KDF1: variants seen among roughly 807,000 people sequenced by gnomAD.
The protein encoded by KDF1 is RP11-344H11.3.
KDF1 carries 11 observed loss-of-function variants against 31.6 expected under a neutral mutation model. The ratio of observed to expected loss-of-function variants is 0.35; its 90% confidence interval spans 0.22 to 0.58. The LOEUF (loss-of-function observed/expected upper bound fraction) is 0.58, where lower values mean the gene tolerates loss of function less well. KDF1 is among the 20% of genes least tolerant of loss of function. The probability of loss-of-function intolerance (pLI) is 0.83; values close to 1 mark genes in which losing one functional copy is unlikely to be tolerated. For synonymous variants in KDF1, 205 were observed against 214.4 expected (o/e 0.96, Z 0.38); for missense variants, 476 against 549.1 (o/e 0.87, Z 1.33).
rs555440089 is a variant in KDF1, at chr1:26,951,563, C to T, written c.818G>A (p.Ser273Asn). Residue 273 changes from serine to asparagine, a missense_variant, in exon 2 of 4, where the codon AGT becomes AAT. By Grantham distance (46) the Ser-to-Asn change is conservative. This residue lies in a region of KDF1 where 146 missense variants were observed against 216.8 expected (regional missense o/e 0.67). Transcript: ENST00000320567. The surrounding 1 kb of genome is among the most constrained non-coding windows in gnomAD (Gnocchi z 5.4). ...GCTGCTGATAAGGTCCGAGATCTTACTGGTCTTCTCCAGGAACACAGTGTC... is the reference window on the plus strand; with the variant it reads ...GCTGCTGATAAGGTCCGAGATCTTATTGGTCTTCTCCAGGAACACAGTGTC... The part of the protein sequence containing the change: ...TSDTVFLEKT[S>N]KISDLISSIT... The T allele has an allele frequency of 6.2e-7, 1 of 1,612,782 alleles. No individual in the cohort carries two copies. Among genetic ancestry groups the T allele is most frequent in the Admixed American group, 1.7e-5 (1 of 60,008 alleles).
chr1:26,958,823 A>G (rs1454190255), intron 1 of KDF1, among the ~76,000 whole-genome samples: 2 of 152,182 alleles, frequency 1.3e-5, no homozygotes, highest in Non-Finnish European at 2.9e-5. Flanking sequence ...AGGAGAGTGG[A>G]CAGATCTACA....
At chr1:26,956,518 G>A (rs1308784696) in intron 1 of KDF1, among the ~76,000 whole-genome samples, 4 of 152,128 alleles carry the variant, frequency 2.6e-5, no homozygotes, top group East Asian at 1.9e-4. Context: ...TACAACTCAC[G>A]AAGTATTCCT....
chr1:26,953,096 C>A (rs1003376971), intron 1 of KDF1, among the ~76,000 whole-genome samples: 1 of 152,150 alleles, frequency 6.6e-6, no homozygotes, highest in African/African-American at 2.4e-5. Flanking sequence ...ATTATACTTA[C>A]CTGTTAAGCA....
In KDF1 at chr1:26,950,910, C is replaced by T. The variant is rs1453758992; in HGVS notation, c.1040-154G>A. Among the ~76,000 whole-genome samples the T allele has an allele frequency of 6.6e-6, 1 of 152,170 alleles. No individual in the cohort carries two copies. Among genetic ancestry groups the T allele is most frequent in the African/African-American group, 2.4e-5 (1 of 41,446 alleles). ...AAGACAGAGACATAGACAACGTGTG[C>T]ATGCGCAGAGTGATGGATGAGTGGG... On this transcript the variant is annotated intron_variant, in intron 2 of 3. Transcript: ENST00000320567. This position sits in a 1 kb window ranked among gnomAD's most constrained non-coding sequence, Gnocchi z 4.0.
At position 26,950,091 on chromosome 1, in the gene KDF1, G is replaced by C. The variant is rs1346981782; in HGVS notation, c.1175C>G (p.Pro392Arg). The part of the protein sequence containing the change: ...QGTDTDSSGA[P>R]LLQVYC ...GGGTTAGCAGTACACCTGGAGCAAGGGTGCCCCCGACGAGTCTGTGTCGGT... is the reference window on the plus strand; with the variant it reads ...GGGTTAGCAGTACACCTGGAGCAAGCGTGCCCCCGACGAGTCTGTGTCGGT... The change falls in exon 4 of 4, where the codon CCC (proline) becomes CGC (arginine). Residue 392 changes from proline (P) to arginine (R), a missense_variant. Pro to Arg is a moderately radical substitution (Grantham distance 103, BLOSUM62 -2). Coordinates refer to ENST00000320567, the MANE Select transcript of KDF1 (RefSeq NM_152365.3). This position sits in a 1 kb window ranked among gnomAD's most constrained non-coding sequence, Gnocchi z 4.0. 4 of 1,613,894 alleles carry C rather than the reference G, an allele frequency of 2.5e-6. No homozygotes were observed. Among genetic ancestry groups the C allele is most frequent in the Non-Finnish European group, 3.4e-6 (4 of 1,179,844 alleles).
rs367824437 is a variant in KDF1, at chr1:26,950,769, C to T, written c.1040-13G>A. ...TGCACTGTCAGCTCTAGGGAGGGAA[C>T]GTGAGGCAAGCAGTGGTCATTAGCA... On this transcript the variant is annotated splice_polypyrimidine_tract_variant and intron_variant, in intron 2 of 3. Transcript: ENST00000320567. This position sits in a 1 kb window ranked among gnomAD's most constrained non-coding sequence, Gnocchi z 4.0. The T allele has an allele frequency of 2.7e-5, 43 of 1,613,026 alleles. No homozygotes were observed. In the African/African-American group the frequency reaches 4.1e-4, roughly 16 times the overall value.
At position 26,950,795 on chromosome 1, in the gene KDF1, C is replaced by T. The variant is rs1480669913; in HGVS notation, c.1040-39G>A. ...GTGAGGCAAGCAGTGGTCATTAGCA[C>T]GTTCTTTCAACCCTATTTCCTACTT... On this transcript the variant is annotated intron_variant, in intron 2 of 3. Coordinates refer to ENST00000320567, the MANE Select transcript of KDF1 (RefSeq NM_152365.3). This position sits in a 1 kb window ranked among gnomAD's most constrained non-coding sequence, Gnocchi z 4.0. 2.5e-6 allele frequency: 4 copies of T among 1,576,750 alleles called. No individual in the cohort carries two copies. Among genetic ancestry groups the T allele is most frequent in the East Asian group, 2.2e-5 (1 of 44,598 alleles).
chr1:26,952,108 G>A lies in KDF1; in HGVS notation c.273C>T (p.Cys91=), dbSNP rs561551802. ...GGAGGCAATCCCGGCAGCGGCGGAAGCAGAAGGCAGCCCGGCACCACTCCC... is the reference window on the plus strand; with the variant it reads ...GGAGGCAATCCCGGCAGCGGCGGAAACAGAAGGCAGCCCGGCACCACTCCC... ...WVWEWCRAAF[C]FRRCRDCLQR... is the part of the protein sequence containing the mutation. The change falls in exon 2 of 4, where the codon TGC becomes TGT. Residue 91 remains cysteine, a synonymous_variant. Transcript: ENST00000320567. This position sits in a 1 kb window ranked among gnomAD's most constrained non-coding sequence, Gnocchi z 4.1. The A allele has an allele frequency of 5.5e-5, 89 of 1,613,388 alleles. 2 individuals carry two copies. In the South Asian group the frequency reaches 9.3e-4, roughly 17 times the overall value.
At chr1:26,953,724 A>G (rs982164115) in intron 1 of KDF1, among the ~76,000 whole-genome samples, 1 of 152,076 alleles carries the variant, frequency 6.6e-6, no homozygotes, top group African/African-American at 2.4e-5. Flanking sequence ...GGAGGCTGGG[A>G]TGGGTGGATC....
intron 1 of KDF1, among the ~76,000 whole-genome samples, chr1:26,958,209 C>T (rs539489008): frequency 1.9e-4 from 27 of 145,444 alleles, no homozygotes; most frequent in Admixed American, 1.7e-3. Context: ...GTGGTCTTGG[C>T]TCACTGCAAC....
At position 26,952,432 on chromosome 1, in the gene KDF1, G is replaced by A. The variant is rs745671012; in HGVS notation, c.-32-20C>T. 4 of 1,458,944 alleles carry A rather than the reference G, an allele frequency of 2.7e-6. No individual in the cohort carries two copies. The highest frequency in any genetic ancestry group is 3.6e-6 in the Non-Finnish European group (4 of 1,098,696). 90.4% of individuals were successfully genotyped at this position (1,458,944 alleles called of 1,614,324 possible). On this transcript the variant is annotated intron_variant, in intron 1 of 3. Transcript: ENST00000320567. The surrounding 1 kb of genome is among the most constrained non-coding windows in gnomAD (Gnocchi z 4.1). ...AGGCACCTGCGTGGGGAGAGGCCAG[G>A]AAGGAGTCAGGATCAGAGGTGAGGG...
intron 1 of KDF1, among the ~76,000 whole-genome samples, chr1:26,955,278 G>T (rs889242605): frequency 1.3e-5 from 2 of 152,112 alleles, no homozygotes; most frequent in Admixed American, 6.6e-5. Flanking sequence ...AGCCTCTGTG[G>T]CTGCTCAACA....
rs1324099263 is a variant in KDF1, at chr1:26,951,206, G to C, written c.1039+136C>G. 2 of 970,812 alleles carry C rather than the reference G, an allele frequency of 2.1e-6. No individual in the cohort carries two copies. The highest frequency in any genetic ancestry group is 3.3e-5 in the African/African-American group (2 of 60,588). The allele number at this position is 970,812 out of a possible 1,614,324, so 60.1% of individuals were successfully genotyped here. On this transcript the variant is annotated intron_variant, in intron 2 of 3. Transcript: ENST00000320567. The surrounding 1 kb of genome is among the most constrained non-coding windows in gnomAD (Gnocchi z 5.4). ...TGGGAGCTGGGGAGAGGGGATGCAAGAGTTGACAGAAAGGAGGAGGAAAGG... is the reference window on the plus strand; with the variant it reads ...TGGGAGCTGGGGAGAGGGGATGCAACAGTTGACAGAAAGGAGGAGGAAAGG...
Position 26,958,906 on chromosome 1 carries a change from C to T in KDF1, c.-33+1444G>A, listed in dbSNP as rs558787548. Among the ~76,000 whole-genome samples, 72 of 152,326 alleles carry T rather than the reference C, an allele frequency of 4.7e-4. No individual in the cohort carries two copies. The South Asian group carries it at 8.7e-3, about 18-fold the overall frequency. The stretch of plus-strand genomic sequence containing the variant: ...TGGCTATTGTCTTCTCCCCAACCTC[C>T]AAAGCTTTAGGACTCTCTATTATTG... On this transcript the variant is annotated intron_variant, in intron 1 of 3. Transcript: ENST00000320567.
In KDF1 at chr1:26,952,620, A is replaced by C. The variant is rs1199696922; in HGVS notation, c.-32-208T>G. Among the ~76,000 whole-genome samples, 1 of 151,428 alleles carries C rather than the reference A, an allele frequency of 6.6e-6. No homozygotes were observed. The highest frequency in any genetic ancestry group is 2.5e-5 in the African/African-American group (1 of 40,782). ...TTGTGGCCCTCCCTCCACAAAGAGAAAGTCTCTGTGGTCTAACCCAGATTT... is the reference window on the plus strand; with the variant it reads ...TTGTGGCCCTCCCTCCACAAAGAGACAGTCTCTGTGGTCTAACCCAGATTT... On this transcript the variant is annotated intron_variant, in intron 1 of 3. Transcript: ENST00000320567. The surrounding 1 kb of genome is among the most constrained non-coding windows in gnomAD (Gnocchi z 4.1).
intron 1 of KDF1, among the ~76,000 whole-genome samples, chr1:26,957,312 A>G (rs1046616992): frequency 1.3e-5 from 2 of 152,052 alleles, no homozygotes; most frequent in African/African-American, 2.4e-5. Flanking sequence ...TTCTCCAGGG[A>G]CCTTCTGGAA....
chr1:26,954,828 T>C (rs1473384557), intron 1 of KDF1, among the ~76,000 whole-genome samples: 4 of 135,080 alleles, frequency 3.0e-5, no homozygotes, highest in Non-Finnish European at 6.3e-5. Context: ...GTGGCAAGAC[T>C]CTGTCTCAAA....
chr1:26,954,247 G>A (rs1163965907), intron 1 of KDF1, among the ~76,000 whole-genome samples: 9 of 146,438 alleles, frequency 6.1e-5, no homozygotes, highest in Admixed American at 2.1e-4. Flanking sequence ...TTTTTGAAAC[G>A]GAGTCTCACT....
intron 1 of KDF1, among the ~76,000 whole-genome samples, chr1:26,955,041 A>T (rs1445237943): frequency 6.6e-6 from 1 of 151,650 alleles, no homozygotes; most frequent in East Asian, 2.0e-4. Context: ...CATTTTTAGT[A>T]GAGATGGGGT....
Sources: allele counts gnomAD v4.1 joint callset (sites outside exome capture counted in the v4.1 genomes callset), GRCh38; gene constraint gnomAD v4.1.1; regional missense constraint gnomAD v4.1.1; non-coding constraint Gnocchi (gnomAD v3.1); transcripts MANE v1.5; gene names NCBI Gene and HGNC (gene_info 2026-07-23, HGNC 2026-07-21).